The following DACH2 variants were observed in gnomAD, a reference collection of about 807,000 sequenced individuals.
The protein encoded by DACH2 is dachshund family transcription factor 2.
In DACH2, 17 loss-of-function variants were observed where a neutral mutation model predicts 35.8. The observed-to-expected ratio is 0.48, with a 90% CI of 0.33 to 0.71. The LOEUF (loss-of-function observed/expected upper bound fraction) is 0.71, where lower values mean the gene tolerates loss of function less well. Among genes scored for constraint, DACH2 ranks in the 30% least tolerant of loss-of-function variants. The pLI is 0.02. For synonymous variants in DACH2, 195 were observed against 177.3 expected (o/e 1.10, Z -0.79); for missense variants, 469 against 472.7 (o/e 0.99, Z 0.07).
At chrX:86,390,098 C>A (rs2036177928) in intron 2 of DACH2, among the ~76,000 whole-genome samples, 1 of 111,581 alleles carries the variant, frequency 9.0e-6, no homozygotes. Context: ...AAGATCTACT[C>A]TTATTAGCTC....
intron 7 of DACH2, among the ~76,000 whole-genome samples, chrX:86,766,333 A>C (rs1008066584): frequency 1.1e-4 from 12 of 111,929 alleles, no homozygotes; most frequent in African/African-American, 3.9e-4. Context: ...ATGTTTGTTA[A>C]CTGGCTCTCC....
chrX:86,370,195 A>G (rs1235193933), intron 1 of DACH2, among the ~76,000 whole-genome samples: 1 of 111,322 alleles, frequency 9.0e-6, no homozygotes, highest in Non-Finnish European at 1.9e-5. Context: ...AGTGCTAGGA[A>G]GGAAACATCA....
At chrX:86,763,886 T>A (rs1030269396) in intron 7 of DACH2, among the ~76,000 whole-genome samples, 47 of 111,682 alleles carry the variant, frequency 4.2e-4, no homozygotes, top group African/African-American at 1.5e-3. Context: ...CTTTTTAATA[T>A]AAATAATATG....
At chrX:86,682,816 C>T (rs1303532191) in intron 4 of DACH2, among the ~76,000 whole-genome samples, 2 of 111,523 alleles carry the variant, frequency 1.8e-5, no homozygotes, top group African/African-American at 6.5e-5. Flanking sequence ...TTTACTTCTA[C>T]TCCATTTTCT....
At chrX:86,336,836 T>A (rs1378469976) in intron 1 of DACH2, among the ~76,000 whole-genome samples, 1 of 108,852 alleles carries the variant, frequency 9.2e-6, no homozygotes, top group Admixed American at 1.0e-4. Context: ...TGAAAACAGG[T>A]TAGACCAATT....
chrX:86,170,326 C>T (rs186761650), intron 1 of DACH2, among the ~76,000 whole-genome samples: 4 of 111,507 alleles, frequency 3.6e-5, no homozygotes, highest in Admixed American at 1.9e-4. Context: ...TACCCAATTT[C>T]GGCTGTAACA....
At chrX:86,682,515 G>A (rs1486424522) in intron 4 of DACH2, among the ~76,000 whole-genome samples, 1 of 111,687 alleles carries the variant, frequency 9.0e-6, no homozygotes, top group Non-Finnish European at 1.9e-5. Context: ...GCGTTTTTCA[G>A]GCTCACAGTG....
intron 1 of DACH2, among the ~76,000 whole-genome samples, chrX:86,169,028 A>T (rs2031039913): frequency 9.0e-6 from 1 of 110,920 alleles, no homozygotes; most frequent in Non-Finnish European, 1.9e-5. Context: ...ATTGTTCTTT[A>T]ATGTCCTTTT....
At chrX:86,418,797 T>A (rs1438348550) in intron 2 of DACH2, among the ~76,000 whole-genome samples, 1 of 112,031 alleles carries the variant, frequency 8.9e-6, no homozygotes, top group Non-Finnish European at 1.9e-5. Flanking sequence ...AAATTAGGGT[T>A]TTCTTTTCTA....
At chrX:86,675,034 C>A (rs1244889782) in intron 4 of DACH2, among the ~76,000 whole-genome samples, 1 of 111,562 alleles carries the variant, frequency 9.0e-6, no homozygotes, top group Non-Finnish European at 1.9e-5. Context: ...AAAAGATTAT[C>A]AAAAGCTTGC....
intron 1 of DACH2, among the ~76,000 whole-genome samples, chrX:86,343,269 T>A (rs1000930516): frequency 9.0e-6 from 1 of 111,500 alleles, no homozygotes; most frequent in Non-Finnish European, 1.9e-5. Flanking sequence ...CTGCTTCTGG[T>A]GGAGAGATGT....
At position 86,714,561 on chromosome X, in the gene DACH2, A is replaced by G. The variant is rs766248312; in HGVS notation, c.945A>G (p.Pro315=). The change falls in exon 6 of 12, where the codon CCA becomes CCG. Residue 315 remains proline, a synonymous_variant. Coordinates refer to ENST00000373125, the MANE Select transcript of DACH2 (RefSeq NM_053281.3). ...NHLLTNRLDL[P]FMMMPHPLLP... ...TGTCTCTTTTAGGACTGGATCTGCCATTTATGATGATGCCTCATCCCCTAC... is the reference window on the plus strand; with the variant it reads ...TGTCTCTTTTAGGACTGGATCTGCCGTTTATGATGATGCCTCATCCCCTAC... 21 of 1,201,647 alleles carry G rather than the reference A, an allele frequency of 1.7e-5. No individual in the cohort carries two copies. Among genetic ancestry groups the G allele is most frequent in the Non-Finnish European group, 2.2e-5 (20 of 889,328 alleles).
chrX:86,303,029 C>G (rs749535565), intron 1 of DACH2, among the ~76,000 whole-genome samples: 1 of 103,990 alleles, frequency 9.6e-6, no homozygotes, highest in African/African-American at 3.5e-5. Flanking sequence ...AACTGAAGCA[C>G]AGAGCAGGTA....
intron 4 of DACH2, among the ~76,000 whole-genome samples, chrX:86,680,610 C>T (rs185835450): frequency 9.3e-6 from 1 of 108,100 alleles, no homozygotes; most frequent in East Asian, 2.9e-4. Context: ...CCTTTTCAAA[C>T]AGGAAATGTA....
At chrX:86,472,876 A>G (rs1334216642) in intron 2 of DACH2, among the ~76,000 whole-genome samples, 1 of 111,949 alleles carries the variant, frequency 8.9e-6, no homozygotes, top group Non-Finnish European at 1.9e-5. Context: ...ACTGAACCTA[A>G]TAACCCATGA....
At chrX:86,378,931 A>C (rs112427341) in intron 2 of DACH2, among the ~76,000 whole-genome samples, 83 of 111,083 alleles carry the variant, frequency 7.5e-4, no homozygotes, top group African/African-American at 2.6e-3. Flanking sequence ...TTTTCCTTCA[A>C]GTGATTTGAA....
At chrX:86,743,257 T>C (rs978605109) in intron 7 of DACH2, among the ~76,000 whole-genome samples, 3 of 111,474 alleles carry the variant, frequency 2.7e-5, no homozygotes, top group African/African-American at 9.8e-5. Context: ...TCTGCTGAGG[T>C]ACATGTGTCA....
At position 86,180,202 on chromosome X, in the gene DACH2, A is replaced by ATATATATATATATATATATATT. The variant is rs1338071562; in HGVS notation, c.488+31099_488+31100insATATATATATATATATTTATAT. On this transcript the variant is annotated intron_variant, in intron 1 of 11. Coordinates refer to ENST00000373125, the MANE Select transcript of DACH2 (RefSeq NM_053281.3). Reference sequence around the variant, plus strand: ...TATATATATATATATATATATATATATATATGGTTCTTATAGTAATGTGAA... The same window carrying ATATATATATATATATATATATT: ...TATATATATATATATATATATATATATATATATATATATATATATATTTATATGGTTCTTATAGTAATGTGAA... 1.5e-4 allele frequency among the ~76,000 whole-genome samples: 13 copies of ATATATATATATATATATATATT among 89,038 alleles called. 1 individual carries two copies. Among genetic ancestry groups the ATATATATATATATATATATATT allele is most frequent in the African/African-American group, 5.3e-4 (13 of 24,317 alleles). 77.3% of individuals were successfully genotyped at this position (89,038 alleles called of 115,157 possible).
At chrX:86,552,995 G>A (rs1177166952) in intron 3 of DACH2, among the ~76,000 whole-genome samples, 2 of 110,975 alleles carry the variant, frequency 1.8e-5, no homozygotes, top group Non-Finnish European at 1.9e-5. Flanking sequence ...TACTAGTCAG[G>A]GTTCCCTAGA....
Sources: gnomAD v4.1 joint callset for allele counts (sites outside exome capture counted in the v4.1 genomes callset) on GRCh38, gnomAD v4.1.1 for gene constraint, MANE v1.5 for transcripts, NCBI Gene and HGNC (gene_info 2026-07-23, HGNC 2026-07-21) for gene names.